The following ST7L variants were observed in gnomAD, a reference collection of about 807,000 sequenced individuals.
ST7L encodes the protein suppression of tumorigenicity 7 like, also known as suppressor of tumorigenicity 7 protein-like.
ST7L carries 57 observed loss-of-function variants against 72.5 expected under a neutral mutation model. The observed-to-expected ratio is 0.79, with a 90% CI of 0.64 to 0.98. The LOEUF is 0.98. ST7L is among the 50% of genes least tolerant of loss of function. ST7L has a pLI of 0.00. For synonymous variants in ST7L, 221 were observed against 240.9 expected, an observed-to-expected ratio of 0.92 and a Z score of 0.77; for missense variants, 576 against 672.2, an observed-to-expected ratio of 0.86 and a Z score of 1.58.
intron 11 of ST7L, among the ~76,000 whole-genome samples, chr1:112,575,595 G>A (rs771287818): frequency 4.6e-5 from 7 of 152,182 alleles, no homozygotes; most frequent in Admixed American, 6.5e-5. Flanking sequence ...TGTTGGATAT[G>A]CTGGACAAGG....
At chr1:112,546,987 G>T (rs1196870006) in intron 13 of ST7L, among the ~76,000 whole-genome samples, 1 of 151,482 alleles carries the variant, frequency 6.6e-6, no homozygotes, top group Non-Finnish European at 1.5e-5. Context: ...CACATATACA[G>T]GTATGTATGT....
chr1:112,549,530 CTAAG>C lies in ST7L; in HGVS notation c.1489+1067_1489+1070del, dbSNP rs1378510311. 5.3e-5 allele frequency among the ~76,000 whole-genome samples: 8 copies of C among 151,926 alleles called. No individual in the cohort carries two copies. The East Asian group carries it at 1.4e-3, about 26-fold the overall frequency. ...TAAATTTCTTTCGTTAAATTTATTC[CTAAG>C]TAGTTTTTGTTGCTACTATGATTGC... On this transcript the variant is annotated intron_variant, in intron 13 of 14. Coordinates refer to ENST00000358039, the MANE Select transcript of ST7L (RefSeq NM_017744.5).
chr1:112,526,301 C>A, intron 14 of ST7L, 190 bp from the exon 15 acceptor site: 5 of 571,708 alleles, frequency 8.7e-6, no homozygotes, highest in African/African-American at 1.8e-5. Flanking sequence ...ACATATTCCA[C>A]ATTTAAACAA....
At chr1:112,571,168 A>G in intron 11 of ST7L, 1 of 382,744 alleles carries the variant, frequency 2.6e-6, no homozygotes, top group South Asian at 2.0e-5. Context: ...AGACTGTCTC[A>G]AAAAAACCAA....
Position 112,562,238 on chromosome 1 carries a change from G to A in ST7L, c.1246-6220C>T, listed in dbSNP as rs575216961. On this transcript the variant is annotated intron_variant, in intron 11 of 14. Transcript: ENST00000358039. Reference sequence around the variant, plus strand: ...TCACCTTGGCCTCTTGAAGTGCTGGGATTACAGGTGTGAGCCACTGTGCCC... The same window carrying A: ...TCACCTTGGCCTCTTGAAGTGCTGGAATTACAGGTGTGAGCCACTGTGCCC... Among the ~76,000 whole-genome samples the A allele has an allele frequency of 3.3e-3, 509 of 152,224 alleles. 1 individual carries two copies. The highest frequency in any genetic ancestry group is 5.9e-3 in the Non-Finnish European group (404 of 68,008).
At position 112,526,073 on chromosome 1, in the gene ST7L, T is replaced by C. The variant is rs1380101827; in HGVS notation, c.1668A>G (p.Ser556=). 1.2e-6 allele frequency: 2 copies of C among 1,614,158 alleles called. No homozygotes were observed. The highest frequency in any genetic ancestry group is 2.7e-5 in the African/African-American group (2 of 75,044). ...GLWCPQPWAS[S]GFEENTQDLK... ...AATCCTGTGTATTCTCCTCAAAGCC[T>C]GAGGATGCCCAGGGTTGGGGGCACC... Residue 556 remains serine, a synonymous_variant, in exon 15 of 15, where the codon TCA becomes TCG. Transcript: ENST00000358039.
chr1:112,568,862 AT>A (rs1339152092), intron 11 of ST7L, among the ~76,000 whole-genome samples: 28 of 31,550 alleles, frequency 8.9e-4, no homozygotes, highest in Middle Eastern at 0.011. Context: ...ATAAATATAA[AT>A]ATATATATAT....
chr1:112,543,593 G>T (rs530223261), intron 13 of ST7L, among the ~76,000 whole-genome samples: 61 of 152,100 alleles, frequency 4.0e-4, no homozygotes, highest in Non-Finnish European at 7.9e-4. Context: ...GGTAGGCCAG[G>T]TGTGGTTGCT....
chr1:112,551,780 A>G (rs1658238666), intron 12 of ST7L, among the ~76,000 whole-genome samples: 1 of 152,228 alleles, frequency 6.6e-6, no homozygotes, highest in Non-Finnish European at 1.5e-5. Flanking sequence ...AACGTTGTCA[A>G]TAGGTTCTTG....
intron 7 of ST7L, among the ~76,000 whole-genome samples, chr1:112,583,731 A>C (rs1367738124): frequency 6.6e-6 from 1 of 152,208 alleles, no homozygotes; most frequent in African/African-American, 2.4e-5. Context: ...ATTACTGTTA[A>C]GTCTCAGAGC....
intron 11 of ST7L, among the ~76,000 whole-genome samples, chr1:112,574,096 T>C (rs1204584254): frequency 6.7e-6 from 1 of 149,630 alleles, no homozygotes; most frequent in African/African-American, 2.4e-5. Flanking sequence ...TTTGTATTTT[T>C]AGTAGAGACA....
At chr1:112,592,558 C>G (rs2101962757) in intron 5 of ST7L, among the ~76,000 whole-genome samples, 1 of 152,210 alleles carries the variant, frequency 6.6e-6, no homozygotes, top group African/African-American at 2.4e-5. Flanking sequence ...CTGATACTGG[C>G]CAGGTAAAGA....
At chr1:112,522,896 G>A (rs1652958685), downstream of ST7L, 1 of 152,294 alleles carries the variant, frequency 6.6e-6, no homozygotes. Flanking sequence ...AGGGGGAAAT[G>A]GGAGGGGAAG....
intron 14 of ST7L, among the ~76,000 whole-genome samples, chr1:112,530,397 TCAA>T (rs1654182257): frequency 6.6e-6 from 1 of 152,174 alleles, no homozygotes; most frequent in Non-Finnish European, 1.5e-5. Context: ...TTGTATAAAC[TCAA>T]GGAGAGGTTC....
At chr1:112,549,498 CAT>C (rs1454637628) in intron 13 of ST7L, among the ~76,000 whole-genome samples, 3 of 152,112 alleles carry the variant, frequency 2.0e-5, no homozygotes, top group South Asian at 2.1e-4. Flanking sequence ...TTTTAGTGTA[CAT>C]GTCTTAAATT....
intron 3 of ST7L, among the ~76,000 whole-genome samples, chr1:112,606,180 A>G (rs1668208529): frequency 6.6e-6 from 1 of 152,190 alleles, no homozygotes; most frequent in Non-Finnish European, 1.5e-5. Flanking sequence ...TTGTCTTCAG[A>G]GCAAGTTTTC....
chr1:112,563,609 A>G (rs1571038766), intron 11 of ST7L, among the ~76,000 whole-genome samples: 2 of 152,336 alleles, frequency 1.3e-5, no homozygotes, highest in South Asian at 2.1e-4. Flanking sequence ...CTAGCATTCA[A>G]CTATGAACAA....
intron 2 of ST7L, 94 bp from the exon 3 acceptor site, chr1:112,611,097 A>C: frequency 8.0e-7 from 1 of 1,255,486 alleles, no homozygotes; most frequent in African/African-American, 1.5e-5. Context: ...TGTTCAATTC[A>C]GCATTTTAAA....
At chr1:112,556,989 A>AAAAAAAAAAAAAAC (rs1659285716) in intron 11 of ST7L, among the ~76,000 whole-genome samples, 1 of 143,140 alleles carries the variant, frequency 7.0e-6, no homozygotes, top group Non-Finnish European at 1.5e-5. Context: ...AAAAAACAAA[A>AAAAAAAAAAAAAAC]AAAAAAAAAC....
Sources: gnomAD v4.1 joint callset for allele counts (sites outside exome capture counted in the v4.1 genomes callset) on GRCh38, gnomAD v4.1.1 for gene constraint, MANE v1.5 for transcripts, NCBI Gene and HGNC (gene_info 2026-07-23, HGNC 2026-07-21) for gene names.